LY75: variants seen among roughly 807,000 people sequenced by gnomAD.
The protein encoded by LY75 is C-type lectin domain family 13 member B.
In LY75, 185 loss-of-function variants were observed where a neutral mutation model predicts 231.7. That is an observed-to-expected ratio of 0.80 (90% confidence interval 0.71 to 0.90). The LOEUF (loss-of-function observed/expected upper bound fraction) is 0.90. Among genes scored for constraint, LY75 ranks in the 40% least tolerant of loss-of-function variants. LY75 has a pLI of 0.00. For synonymous variants in LY75, 668 were observed against 689.0 expected (o/e 0.97, Z 0.48); for missense variants, 1,947 against 2,050.2 (o/e 0.95, Z 0.97).
intron 28 of LY75, 55 bp downstream of exon 28, chr2:159,831,615 A>T: frequency 1.9e-6 from 3 of 1,565,028 alleles, no homozygotes; most frequent in Non-Finnish European, 2.6e-6. Flanking sequence ...CTTGATAATT[A>T]TGTTATAATG....
chr2:159,853,172 A>G, intron 20 of LY75, 101 bp downstream of exon 20: 1 of 1,244,188 alleles, frequency 8.0e-7, no homozygotes, highest in Non-Finnish European at 1.1e-6. Context: ...AGATGAAATT[A>G]CCAAACATAT....
intron 1 of LY75, among the ~76,000 whole-genome samples, chr2:159,899,749 C>T (rs1686017242): frequency 6.6e-6 from 1 of 152,174 alleles, no homozygotes; most frequent in South Asian, 2.1e-4. Flanking sequence ...GACCTAAATT[C>T]ATTGAGGTAT....
At chr2:159,878,824 A>G in intron 9 of LY75, 103 bp from the exon 10 acceptor site, 1 of 1,264,356 alleles carries the variant, frequency 7.9e-7, no homozygotes, top group East Asian at 2.5e-5. Flanking sequence ...GAACTTGTGG[A>G]AATTGAGGAC....
intron 29 of LY75, 75 bp from the exon 30 acceptor site, chr2:159,817,107 A>G (rs559445547): frequency 1.5e-5 from 21 of 1,400,224 alleles, no homozygotes; most frequent in Non-Finnish European, 1.8e-5. Flanking sequence ...ACAACATGCA[A>G]TCATTTCAAA....
intron 5 of LY75, among the ~76,000 whole-genome samples, chr2:159,885,859 C>T (rs886417687): frequency 2.6e-5 from 4 of 152,060 alleles, no homozygotes; most frequent in African/African-American, 9.7e-5. Flanking sequence ...TTGTCATAAG[C>T]CTAAGATTTT....
intron 28 of LY75, among the ~76,000 whole-genome samples, chr2:159,826,131 A>G (rs1343696977): frequency 1.3e-5 from 2 of 152,208 alleles, no homozygotes; most frequent in African/African-American, 4.8e-5. Flanking sequence ...GAAAGAAATG[A>G]AGGGCATTCA....
intron 14 of LY75, among the ~76,000 whole-genome samples, chr2:159,862,882 A>AGTT (rs1684756224): frequency 6.6e-6 from 1 of 152,084 alleles, no homozygotes; most frequent in East Asian, 1.9e-4. Context: ...CTTGTTGTAC[A>AGTT]ATAGATCTCT....
intron 31 of LY75, among the ~76,000 whole-genome samples, chr2:159,814,776 C>T (rs184885505): frequency 3.7e-4 from 56 of 151,736 alleles, no homozygotes; most frequent in African/African-American, 1.3e-3. Context: ...TGAGGTGTTC[C>T]CCAAATTTAT....
chr2:159,835,297 T>C (rs1683784936), intron 26 of LY75, among the ~76,000 whole-genome samples, 183 bp downstream of exon 26: 1 of 152,126 alleles, frequency 6.6e-6, no homozygotes, highest in South Asian at 2.1e-4. Context: ...CCATTAATAA[T>C]AATATATGTA....
chr2:159,874,132 A>AT (rs377452119), intron 12 of LY75, among the ~76,000 whole-genome samples: 5,089 of 9,662 alleles, frequency 0.53, 744 homozygotes, highest in African/African-American at 0.56. Flanking sequence ...GTAAATATAT[A>AT]AACGTATATA....
At chr2:159,814,673 G>A (rs1379863415) in intron 31 of LY75, among the ~76,000 whole-genome samples, 2 of 144,348 alleles carry the variant, frequency 1.4e-5, no homozygotes, top group Admixed American at 7.0e-5. Context: ...AAAAGAAAAA[G>A]AAAAGATAAG....
chr2:159,814,381 G>T (rs1376892993), intron 31 of LY75, among the ~76,000 whole-genome samples: 41 of 152,174 alleles, frequency 2.7e-4, no homozygotes, highest in Non-Finnish European at 1.0e-4. Context: ...AGGCGTAGTA[G>T]CTCACACCTA....
intron 28 of LY75, among the ~76,000 whole-genome samples, chr2:159,828,196 T>C (rs1389189067): frequency 1.5e-5 from 2 of 130,042 alleles, no homozygotes; most frequent in African/African-American, 5.2e-5. Context: ...TCCAGAAATA[T>C]AAAATTTTAT....
intron 15 of LY75, 51 bp downstream of exon 15, chr2:159,860,770 T>C (rs1484988789): frequency 1.2e-6 from 2 of 1,604,200 alleles, no homozygotes; most frequent in Non-Finnish European, 1.7e-6. Flanking sequence ...TGACTGCATA[T>C]GATGATGGAC....
intron 18 of LY75, 67 bp downstream of exon 18, chr2:159,854,293 G>A: frequency 8.3e-7 from 1 of 1,199,948 alleles, no homozygotes; most frequent in South Asian, 3.7e-5. Context: ...CAAAATTTTT[G>A]TAATATTTTT....
intron 29 of LY75, among the ~76,000 whole-genome samples, chr2:159,817,437 C>A (rs2125831819): frequency 6.6e-6 from 1 of 152,112 alleles, no homozygotes. Flanking sequence ...AATAAGGGAA[C>A]CAGAAAGTAA....
At chr2:159,890,068 C>T in intron 4 of LY75, 145 bp downstream of exon 4, 20 of 1,002,398 alleles carry the variant, frequency 2.0e-5, no homozygotes, top group African/African-American at 9.9e-5. Flanking sequence ...TACTTTTTTG[C>T]TTATGGGTTT....
intron 16 of LY75, 142 bp from the exon 17 acceptor site, chr2:159,855,081 A>T: frequency 9.6e-7 from 1 of 1,038,064 alleles, no homozygotes; most frequent in Non-Finnish European, 1.4e-6. Flanking sequence ...TCACGTTTTG[A>T]TCACTTTAGT....
chr2:159,831,520 A>G (rs1039817483), intron 28 of LY75, 150 bp downstream of exon 28: 4 of 819,830 alleles, frequency 4.9e-6, no homozygotes, highest in Non-Finnish European at 7.6e-6. Context: ...GAGACATAAA[A>G]ACTGTCTTGG....
Sources: allele counts gnomAD v4.1 joint callset (sites outside exome capture counted in the v4.1 genomes callset), GRCh38; gene constraint gnomAD v4.1.1; transcripts MANE v1.5; gene names NCBI Gene and HGNC (gene_info 2026-07-23, HGNC 2026-07-21).